The following SNTB2 variants were observed in gnomAD, a reference collection of about 807,000 sequenced individuals.
SNTB2 encodes syntrophin beta 2, also known as beta-2-syntrophin.
SNTB2 carries 34 observed loss-of-function variants against 46.2 expected under a neutral mutation model. That is an observed-to-expected ratio of 0.74 (90% CI 0.56 to 0.98). The LOEUF is 0.98. SNTB2 is among the 50% of genes least tolerant of loss of function. The pLI is 0.00. For synonymous variants in SNTB2, 290 were observed against 312.6 expected (o/e 0.93, Z 0.76); for missense variants, 603 against 731.4 (o/e 0.82, Z 2.02).
intron 1 of SNTB2, among the ~76,000 whole-genome samples, chr16:69,243,258 G>T (rs1597184621): frequency 6.6e-6 from 1 of 152,258 alleles, no homozygotes; most frequent in Non-Finnish European, 1.5e-5. Flanking sequence ...CCAGGTTAAG[G>T]CCTTAACATA....
intron 1 of SNTB2, among the ~76,000 whole-genome samples, chr16:69,237,790 G>C (rs145732052): frequency 7.7e-4 from 117 of 151,578 alleles, no homozygotes; most frequent in Non-Finnish European, 1.5e-3. Flanking sequence ...TTTGAGTAGA[G>C]ACGGAGTTTC....
intron 4 of SNTB2, among the ~76,000 whole-genome samples, chr16:69,272,292 G>A (rs1218565832): frequency 6.6e-6 from 1 of 151,752 alleles, no homozygotes; most frequent in African/African-American, 2.4e-5. Flanking sequence ...TGTAATCCTA[G>A]CACTTTGGGA....
chr16:69,204,640 A>C (rs1478527233), intron 1 of SNTB2, among the ~76,000 whole-genome samples: 1 of 152,228 alleles, frequency 6.6e-6, no homozygotes, highest in Non-Finnish European at 1.5e-5. Context: ...GTGGAGTTTA[A>C]GCTCTGGGAA....
intron 1 of SNTB2, among the ~76,000 whole-genome samples, chr16:69,204,278 G>A (rs557017631): frequency 6.6e-6 from 1 of 152,300 alleles, no homozygotes; most frequent in South Asian, 2.1e-4. Context: ...TGTAGTATGA[G>A]GAAGCAGAAG....
intron 3 of SNTB2, among the ~76,000 whole-genome samples, chr16:69,266,266 A>T (rs1316502465): frequency 6.6e-6 from 1 of 152,232 alleles, no homozygotes; most frequent in Non-Finnish European, 1.5e-5. Context: ...CAAGAGGGTT[A>T]GGCAGGAGAA....
chr16:69,211,737 G>T (rs923613675), intron 1 of SNTB2, among the ~76,000 whole-genome samples: 31 of 152,106 alleles, frequency 2.0e-4, no homozygotes, highest in African/African-American at 7.2e-4. Flanking sequence ...ATTACCTGAG[G>T]GTGGGACTCC....
At chr16:69,269,732 C>G (rs532341763) in intron 3 of SNTB2, among the ~76,000 whole-genome samples, 34 of 152,214 alleles carry the variant, frequency 2.2e-4, no homozygotes, top group African/African-American at 7.5e-4. Flanking sequence ...TATTACACAT[C>G]AGACATTCTG....
At chr16:69,243,598 C>A (rs1020321371) in intron 1 of SNTB2, among the ~76,000 whole-genome samples, 1 of 152,160 alleles carries the variant, frequency 6.6e-6, no homozygotes, top group Non-Finnish European at 1.5e-5. Flanking sequence ...CAGTTGGTAG[C>A]CCAATAGTGT....
intron 5 of SNTB2, among the ~76,000 whole-genome samples, chr16:69,298,804 G>T (rs1965251696): frequency 6.6e-6 from 1 of 152,006 alleles, no homozygotes; most frequent in Admixed American, 6.6e-5. Flanking sequence ...TTACAGGTGT[G>T]AGCCACCGTA....
chr16:69,236,264 T>C (rs1399879681), intron 1 of SNTB2, among the ~76,000 whole-genome samples: 1 of 152,148 alleles, frequency 6.6e-6, no homozygotes, highest in Non-Finnish European at 1.5e-5. Context: ...TAGCAAACCA[T>C]AGAGACTCTT....
intron 1 of SNTB2, among the ~76,000 whole-genome samples, chr16:69,202,669 G>A (rs1475812478): frequency 5.9e-5 from 9 of 152,026 alleles, no homozygotes; most frequent in Non-Finnish European, 1.3e-4. Flanking sequence ...TCTGCCTCCC[G>A]GGTTCAAGCA....
intron 5 of SNTB2, among the ~76,000 whole-genome samples, chr16:69,291,247 A>G (rs530570744): frequency 4.1e-4 from 63 of 152,258 alleles, no homozygotes; most frequent in Middle Eastern, 3.4e-3. Context: ...AGGTGCTCTG[A>G]GTAACACACA....
chr16:69,275,824 C>A (rs888364260), intron 4 of SNTB2, among the ~76,000 whole-genome samples: 1 of 151,954 alleles, frequency 6.6e-6, no homozygotes, highest in Non-Finnish European at 1.5e-5. Flanking sequence ...AAATTAAGGA[C>A]CTTTATTATG....
rs563598852 is a variant in SNTB2 at position 69,305,676 on chromosome 16, G to A, written c.*4752G>A. The A allele has an allele frequency of 2.0e-5, 3 of 151,716 alleles. No individual in the cohort carries two copies. Among genetic ancestry groups the A allele is most frequent in the African/African-American group, 4.8e-5 (2 of 41,364 alleles). 9.4% of individuals were successfully genotyped at this position (151,716 alleles called of 1,614,324 possible). A position where few individuals can be genotyped will look rare whatever the true frequency, so the allele number is the denominator to read the frequency against. ...CATTCTTTTTATATATCTCTGTCAG[G>A]TATGACATTAATTACCAGGTGGTAT... On this transcript the variant is annotated 3_prime_UTR_variant, in exon 7 of 7. Transcript: ENST00000336278.
chr16:69,192,114 G>T (rs1964060979), intron 1 of SNTB2, among the ~76,000 whole-genome samples: 1 of 152,240 alleles, frequency 6.6e-6, no homozygotes, highest in African/African-American at 2.4e-5. Flanking sequence ...GGCAGCAGTG[G>T]AAGCACTGGA....
rs1245464587 is a variant in SNTB2 at position 69,305,553 on chromosome 16, A to G, written c.*4629A>G. ...GCCAGATCTCTTTGGTCTCAAAGCA[A>G]ATTGCTCTGATCAGATCAAATATCT... is the stretch of plus-strand genomic sequence containing the variant. On this transcript the variant is annotated 3_prime_UTR_variant, in exon 7 of 7. Transcript: ENST00000336278. 1 of 152,200 alleles carries G rather than the reference A, an allele frequency of 6.6e-6. No individual in the cohort carries two copies. The allele number at this position is 152,200 out of a possible 1,614,324, so 9.4% of individuals were successfully genotyped here.
intron 1 of SNTB2, among the ~76,000 whole-genome samples, chr16:69,214,005 A>T (rs1178295266): frequency 2.0e-5 from 3 of 148,216 alleles, no homozygotes; most frequent in Non-Finnish European, 4.5e-5. Context: ...TGTAGTTTTT[A>T]GTAGAGATGG....
At chr16:69,214,658 C>G (rs1301597760) in intron 1 of SNTB2, among the ~76,000 whole-genome samples, 1 of 151,512 alleles carries the variant, frequency 6.6e-6, no homozygotes, top group Non-Finnish European at 1.5e-5. Flanking sequence ...TCCTGAGTAG[C>G]TGGGATTACA....
chr16:69,266,241 G>C (rs1475683119), intron 3 of SNTB2, among the ~76,000 whole-genome samples: 1 of 152,138 alleles, frequency 6.6e-6, no homozygotes, highest in Non-Finnish European at 1.5e-5. Context: ...GCGGACGCCT[G>C]TAATCCCGGC....
Sources: gnomAD v4.1 joint callset for allele counts (sites outside exome capture counted in the v4.1 genomes callset) on GRCh38, gnomAD v4.1.1 for gene constraint, MANE v1.5 for transcripts, NCBI Gene and HGNC (gene_info 2026-07-23, HGNC 2026-07-21) for gene names.